PLEC: variants seen among roughly 807,000 people sequenced by gnomAD.
The protein encoded by PLEC is hemidesmosomal protein 1.
In PLEC, 216 loss-of-function variants were observed where a neutral mutation model predicts 392.8. The observed-to-expected ratio is 0.55, with a 90% CI of 0.49 to 0.62. The LOEUF (loss-of-function observed/expected upper bound fraction) is 0.62. Ranked by LOEUF, PLEC falls within the 20% of genes least tolerant of loss-of-function variation. The probability of loss-of-function intolerance (pLI) is 0.00; values close to 1 mark genes in which losing one functional copy is unlikely to be tolerated. For synonymous variants in PLEC, 3,621 were observed against 2,980.6 expected (o/e 1.21, Z -7.00); for missense variants, 6,863 against 6,563.4 (o/e 1.05, Z -1.58).
At chr8:143,955,220 G>C (rs118105645), upstream of PLEC, among the ~76,000 whole-genome samples, 4,348 of 152,268 alleles carry the variant, frequency 0.029, 151 homozygotes, top group Non-Finnish European at 0.034. Context: ...CTCATACCTG[G>C]AATCCCAGCA....
intron 5 of PLEC, among the ~76,000 whole-genome samples, chr8:143,936,606 T>C (rs1385124611): frequency 1.3e-5 from 2 of 152,242 alleles, no homozygotes; most frequent in South Asian, 4.1e-4. Flanking sequence ...AGGCTCTGCC[T>C]GCTCAGCTCT....
chr8:143,921,871 C>T lies in PLEC; in HGVS notation c.7950G>A (p.Arg2650=), dbSNP rs1554687453. The T allele has an allele frequency of 1.2e-6, 2 of 1,602,324 alleles. No individual in the cohort carries two copies. Among genetic ancestry groups the T allele is most frequent in the Admixed American group, 3.3e-5 (2 of 59,982 alleles). The change falls in exon 32 of 32, where the codon CGG becomes CGA. Residue 2650 remains arginine (R), a synonymous_variant. Transcript: ENST00000345136. ...GCAGCCTCTGAGCTGACACCTTCCGCCGCAGGCCATCGAAGCTGTGCTCCG... is the reference window on the plus strand; with the variant it reads ...GCAGCCTCTGAGCTGACACCTTCCGTCGCAGGCCATCGAAGCTGTGCTCCG... ...AEPEHSFDGL[R]RKVSAQRLQE...
chr8:143,923,754 G>C lies in PLEC; in HGVS notation c.6175C>G (p.Gln2059Glu). ...AEEKAHAFAV[Q>E]QKEQELQQTL... ...TGCTGTAGCTCCTGCTCCTTCTGCT[G>C]CACCGCGAAGGCGTGTGCCTTCTCT... The change falls in exon 31 of 32, where the codon CAG becomes GAG. Residue 2059 changes from glutamine (Q) to glutamate (E), a missense_variant. Coordinates refer to ENST00000345136, the MANE Select transcript of PLEC (RefSeq NM_201384.3). The C allele has an allele frequency of 6.4e-7, 1 of 1,554,044 alleles. No homozygotes were observed. Among genetic ancestry groups the C allele is most frequent in the Non-Finnish European group, 8.6e-7 (1 of 1,156,962 alleles).
chr8:143,970,929 T>C (rs997517454), intron 1 of PLEC, among the ~76,000 whole-genome samples: 6 of 152,046 alleles, frequency 3.9e-5, no homozygotes, highest in Admixed American at 2.0e-4. Flanking sequence ...TCCCACAGGG[T>C]GCCCAGAGCT....
Position 143,933,252 on chromosome 8 carries a change from C to A in PLEC, c.1363G>T (p.Asp455Tyr), listed in dbSNP as rs576247373. 4.3e-6 allele frequency: 7 copies of A among 1,613,128 alleles called. No homozygotes were observed. In the South Asian group the frequency reaches 5.5e-5, roughly 13 times the overall value. The change falls in exon 13 of 32, where the codon GAC (aspartate) becomes TAC (tyrosine). Residue 455 changes from aspartate (D) to tyrosine (Y), a missense_variant. Coordinates refer to ENST00000345136, the MANE Select transcript of PLEC (RefSeq NM_201384.3). ...ADSMIRLLFNDVQTLKDGRHP... is the reference protein window; with the variant it reads ...ADSMIRLLFNYVQTLKDGRHP... ...CGTCCATCCTTGAGGGTCTGCACGT[C>A]GTTGAAGAGCAGCCGGATCATGCTA... is the stretch of plus-strand genomic sequence containing the variant.
Position 143,929,916 on chromosome 8 carries a change from C to A in PLEC, c.2739+20G>T, listed in dbSNP as rs782670959. Reference sequence around the variant, plus strand: ...CCCCTCCTCCCACCCAGAGAGCCCCCGGCTCGGGGGCAGGCGTACCGTGGC... The same window carrying A: ...CCCCTCCTCCCACCCAGAGAGCCCCAGGCTCGGGGGCAGGCGTACCGTGGC... On this transcript the variant is annotated intron_variant, in intron 22 of 31. Coordinates refer to ENST00000345136, the MANE Select transcript of PLEC (RefSeq NM_201384.3). 1.2e-6 allele frequency: 2 copies of A among 1,607,124 alleles called. No individual in the cohort carries two copies. The highest frequency in any genetic ancestry group is 2.2e-5 in the South Asian group (2 of 90,890).
rs1468354111 is a variant in PLEC, at chr8:143,923,122, C to T, written c.6807G>A (p.Glu2269=). Residue 2269 remains glutamate (E), a synonymous_variant, in exon 31 of 32, where the codon GAG becomes GAA. Transcript: ENST00000345136. ...CCGCCACCTGCTTCATCTTCTCAGC[C>T]TCCTCCTGCAGGAAGCGCTGCGTAT... The part of the protein sequence containing the change: ...KDNTQRFLQE[E]AEKMKQVAEE... 2 of 1,604,718 alleles carry T rather than the reference C, an allele frequency of 1.2e-6. No individual in the cohort carries two copies. The highest frequency in any genetic ancestry group is 1.7e-6 in the Non-Finnish European group (2 of 1,179,898).
chr8:143,937,689 C>T lies in PLEC; in HGVS notation c.265-447G>A, dbSNP rs772629466. The T allele has an allele frequency of 2.3e-5, 11 of 487,856 alleles. 1 individual carries two copies. Among genetic ancestry groups the T allele is most frequent in the South Asian group, 6.2e-5 (4 of 64,764 alleles). 30.2% of individuals were successfully genotyped at this position (487,856 alleles called of 1,614,324 possible). Reference sequence around the variant, plus strand: ...GACGGGCCACCAGCCCCCAGAAAGCCGGGCTCCACGGTCTTGGGGAGCTCC... The same window carrying T: ...GACGGGCCACCAGCCCCCAGAAAGCTGGGCTCCACGGTCTTGGGGAGCTCC... On this transcript the variant is annotated intron_variant, in intron 3 of 31. Transcript: ENST00000345136.
intron 1 of PLEC, among the ~76,000 whole-genome samples, chr8:143,949,774 G>A (rs1831916021): frequency 6.6e-6 from 1 of 152,232 alleles, no homozygotes; most frequent in African/African-American, 2.4e-5. Context: ...CAGGCCATGT[G>A]CTGGAGGAGG....
exon 1 of PLEC, chr8:143,950,718 C>A (rs1554735998): frequency 1.3e-6 from 2 of 1,554,036 alleles, no homozygotes; most frequent in Admixed American, 3.8e-5. Flanking sequence ...GCTGCTGGAG[C>A]CGGGCAGTCA....
upstream of PLEC, among the ~76,000 whole-genome samples, chr8:143,975,785 A>G (rs569082652): frequency 2.6e-5 from 4 of 152,134 alleles, no homozygotes; most frequent in South Asian, 8.3e-4. The surrounding 1 kb of genome is among the most constrained non-coding windows in gnomAD (Gnocchi z 9.9). Flanking sequence ...CTCAACCGGC[A>G]CACGACAGAC....
At chr8:143,926,505 C>A (rs1825233906) in intron 30 of PLEC, among the ~76,000 whole-genome samples, 1 of 152,222 alleles carries the variant, frequency 6.6e-6, no homozygotes. Flanking sequence ...GAAGAGCCCA[C>A]AGGACGGCCG....
chr8:143,959,943 C>T (rs1245611596), intron 1 of PLEC, among the ~76,000 whole-genome samples: 3 of 151,400 alleles, frequency 2.0e-5, no homozygotes, highest in Admixed American at 6.6e-5. Flanking sequence ...CATGCCACTA[C>T]ACTCCAGCTT....
intron 1 of PLEC, among the ~76,000 whole-genome samples, chr8:143,945,672 G>A (rs1222035912): frequency 3.3e-5 from 5 of 152,212 alleles, no homozygotes; most frequent in South Asian, 2.1e-4. Context: ...TGTCCCGCAC[G>A]CTGCCATCTG....
Position 143,924,317 on chromosome 8 carries a change from T to G in PLEC, c.5612A>C (p.Glu1871Ala). ...CCGCCGCCGCTGGAAGGCCTCGTCC[T>G]CCGCCAGCCGCCGCAGGCGCTCGTT... ...AENERLRRLAEDEAFQRRRLE... is the reference protein window; with the variant it reads ...AENERLRRLAADEAFQRRRLE... The change falls in exon 31 of 32, where the codon GAG becomes GCG. Residue 1871 changes from glutamate to alanine, a missense_variant. Coordinates refer to ENST00000345136, the MANE Select transcript of PLEC (RefSeq NM_201384.3). 1 of 1,594,648 alleles carries G rather than the reference T, an allele frequency of 6.3e-7. No individual in the cohort carries two copies. The highest frequency in any genetic ancestry group is 8.5e-7 in the Non-Finnish European group (1 of 1,177,804).
chr8:143,930,965 C>T (rs562358024), intron 19 of PLEC, among the ~76,000 whole-genome samples: 2 of 152,316 alleles, frequency 1.3e-5, no homozygotes, highest in South Asian at 4.1e-4. Context: ...ATTTCAGTCT[C>T]CAGTCCCTCT....
rs1823430205 is a variant in PLEC, at chr8:143,923,012, G to GT, written c.6916_6917insA (p.Ala2306AspfsTer23). 6.2e-7 allele frequency: 1 copy of GT among 1,611,494 alleles called. No homozygotes were observed. The highest frequency in any genetic ancestry group is 1.3e-5 in the African/African-American group (1 of 74,808). ...CTCCTTGAGCATCTTCTCTGCCAAGGCCCGCTGCTGTGCCAGGTCCTCCTC... is the reference window on the plus strand; with the variant it reads ...CTCCTTGAGCATCTTCTCTGCCAAGGTCCCGCTGCTGTGCCAGGTCCTCCTC... On this transcript the variant is annotated frameshift_variant, in exon 31 of 32. Transcript: ENST00000345136. LOFTEE classifies it high-confidence loss of function.
rs782391508 is a variant in PLEC at position 143,935,044 on chromosome 8, G to A, written c.792C>T (p.Arg264=). ...YVSSLYDAMP[R]VPDVQDGVRA... ...TCACCCCATCCTGCACGTCCGGCAC[G>A]CGGGGCATGGCGTCATACAGCGACG... The change falls in exon 8 of 32, where the codon CGC becomes CGT. Residue 264 remains arginine, a synonymous_variant. Coordinates refer to ENST00000345136, the MANE Select transcript of PLEC (RefSeq NM_201384.3). The A allele has an allele frequency of 8.2e-5, 132 of 1,612,670 alleles. 1 individual carries two copies. The Admixed American group carries it at 1.1e-3, about 14-fold the overall frequency.
chr8:143,925,882 C>A lies in PLEC; in HGVS notation c.4047G>T (p.Arg1349Ser). The change falls in exon 31 of 32, where the codon AGG becomes AGT. Residue 1349 changes from arginine (R) to serine (S), a missense_variant and splice_region_variant. Coordinates refer to ENST00000345136, the MANE Select transcript of PLEC (RefSeq NM_201384.3). The part of the protein sequence containing the change: ...ETLRRMEEEE[R>S]LAEQQRAEER... Reference sequence around the variant, plus strand: ...CCTCTGCCCGCTGCTGCTCAGCCAGCCTCTGTGGCCACAGCAGAGAGAAGA... The same window carrying A: ...CCTCTGCCCGCTGCTGCTCAGCCAGACTCTGTGGCCACAGCAGAGAGAAGA... 6.5e-7 allele frequency: 1 copy of A among 1,543,624 alleles called. No homozygotes were observed. The highest frequency in any genetic ancestry group is 2.4e-5 in the East Asian group (1 of 41,908).
Sources: gnomAD v4.1 joint callset for allele counts (sites outside exome capture counted in the v4.1 genomes callset) on GRCh38, gnomAD v4.1.1 for gene constraint, Gnocchi (gnomAD v3.1) non-coding constraint, MANE v1.5 for transcripts, NCBI Gene and HGNC (gene_info 2026-07-23, HGNC 2026-07-21) for gene names.